Variants in PLEKHG3 observed in about 807,000 individuals in gnomAD.
The protein encoded by PLEKHG3 is pleckstrin homology domain-containing family G member 3.
PLEKHG3 carries 62 observed loss-of-function variants against 94.9 expected under a neutral mutation model. That is an observed-to-expected ratio of 0.65 (90% confidence interval 0.53 to 0.81). The LOEUF (loss-of-function observed/expected upper bound fraction) is 0.81. Ranked by LOEUF, PLEKHG3 falls within the 30% of genes least tolerant of loss-of-function variation. The pLI is 0.00. For missense variants in PLEKHG3, 1,461 were observed against 1,619.3 expected (o/e 0.90, Z 1.68); for synonymous variants, 614 against 654.0 (o/e 0.94, Z 0.93).
chr14:64,742,257 A>G lies in PLEKHG3; in HGVS notation c.2740A>G (p.Met914Val). 3.1e-6 allele frequency: 5 copies of G among 1,613,016 alleles called. No homozygotes were observed. Among genetic ancestry groups the G allele is most frequent in the Non-Finnish European group, 4.2e-6 (5 of 1,180,022 alleles). ...HPRIVQLSHV[M>V]DSHVSERVKN... ...CCGCATCGTGCAGCTCTCCCACGTA[A>G]TGGACAGCCACGTGAGCGAGCGCGT... Residue 914 changes from methionine to valine, a missense_variant, in exon 16 of 17, where the codon ATG (methionine) becomes GTG (valine). Physicochemically the swap from Met to Val is conservative, Grantham distance 21. Transcript: ENST00000247226.
Position 64,731,523 on chromosome 14 carries a change from G to A in PLEKHG3, c.1012G>A (p.Val338Ile). ...LITKKRGDHF[V>I]YKGNIPCSSL... ...CACCAAGAAGCGGGGCGATCACTTT[G>A]TCTACAAGGGCAACATCCCGGTAAC... The change falls in exon 8 of 17, where the codon GTC becomes ATC. Residue 338 changes from valine (V) to isoleucine (I), a missense_variant. Coordinates refer to ENST00000247226, the MANE Select transcript of PLEKHG3 (RefSeq NM_001308147.2). This position sits in a 1 kb window ranked among gnomAD's most constrained non-coding sequence, Gnocchi z 6.1. 1 of 1,614,052 alleles carries A rather than the reference G, an allele frequency of 6.2e-7. No individual in the cohort carries two copies. The highest frequency in any genetic ancestry group is 8.5e-7 in the Non-Finnish European group (1 of 1,180,002).
In PLEKHG3 at chr14:64,741,424, G is replaced by A. The variant is rs201668882; in HGVS notation, c.1907G>A (p.Ser636Asn). The A allele has an allele frequency of 2.1e-5, 34 of 1,612,682 alleles. No homozygotes were observed. The East Asian group carries it at 7.4e-4, about 35-fold the overall frequency. Reference sequence around the variant, plus strand: ...GGCTTTGGGAGCCCGCGGCTGGTCAGCCGGAGCAGCAGCGTGCTCAGCCTG... The same window carrying A: ...GGCTTTGGGAGCCCGCGGCTGGTCAACCGGAGCAGCAGCGTGCTCAGCCTG... ...SSGFGSPRLVSRSSSVLSLEG... is the reference protein window; with the variant it reads ...SSGFGSPRLVNRSSSVLSLEG... The change falls in exon 16 of 17, where the codon AGC becomes AAC. Residue 636 changes from serine (S) to asparagine (N), a missense_variant. By Grantham distance (46) the Ser-to-Asn change is conservative (BLOSUM62 1). This residue lies in a region of PLEKHG3 where 1,201 missense variants were observed against 1,295.5 expected (regional missense o/e 0.93). Coordinates refer to ENST00000247226, the MANE Select transcript of PLEKHG3 (RefSeq NM_001308147.2).
At position 64,727,508 on chromosome 14, in the gene PLEKHG3, C is replaced by CAGCCCCCCCCCCA; in HGVS notation, c.-39-85_-39-84insAGCCCCCCCCCCA. ...ACTAAATAATACCTTCCCACCCCAC[C>CAGCCCCCCCCCCA]TGCCCCCACCCCTGGCAACCGTCCC... On this transcript the variant is annotated intron_variant, in intron 1 of 16. Coordinates refer to ENST00000247226, the MANE Select transcript of PLEKHG3 (RefSeq NM_001308147.2). This position sits in a 1 kb window ranked among gnomAD's most constrained non-coding sequence, Gnocchi z 6.0. The CAGCCCCCCCCCCA allele has an allele frequency of 6.5e-6, 3 of 464,646 alleles. No homozygotes were observed. Among genetic ancestry groups the CAGCCCCCCCCCCA allele is most frequent in the East Asian group, 4.2e-5 (1 of 23,758 alleles). The allele number at this position is 464,646 out of a possible 1,614,324, so 28.8% of individuals were successfully genotyped here.
intron 1 of PLEKHG3, among the ~76,000 whole-genome samples, chr14:64,714,206 C>A (rs1254125506): frequency 6.6e-6 from 1 of 152,126 alleles, no homozygotes; most frequent in Non-Finnish European, 1.5e-5. Context: ...GGATGGGATA[C>A]TTCAAAGCAA....
rs2081774314 is a variant in PLEKHG3, at chr14:64,743,868, T to C, written c.*165T>C. ...AAGGATGCTCCCGTGTGCAGGGGTC[T>C]CCTGCCTGTGCCATCCACTGGGGCT... On this transcript the variant is annotated 3_prime_UTR_variant, in exon 17 of 17. Coordinates refer to ENST00000247226, the MANE Select transcript of PLEKHG3 (RefSeq NM_001308147.2). The surrounding 1 kb of genome is among the most constrained non-coding windows in gnomAD (Gnocchi z 7.2). The C allele has an allele frequency of 1.5e-6, 1 of 684,902 alleles. No individual in the cohort carries two copies. The highest frequency in any genetic ancestry group is 2.3e-6 in the Non-Finnish European group (1 of 434,088). The allele number at this position is 684,902 out of a possible 1,614,324, so 42.4% of individuals were successfully genotyped here. A position where few individuals can be genotyped will look rare whatever the true frequency, so the allele number is the denominator to read the frequency against.
chr14:64,728,650 G>T lies in PLEKHG3; in HGVS notation c.352-346G>T, dbSNP rs946173435. Among the ~76,000 whole-genome samples the T allele has an allele frequency of 2.4e-4, 36 of 152,118 alleles. No individual in the cohort carries two copies. Among genetic ancestry groups the T allele is most frequent in the African/African-American group, 8.7e-4 (36 of 41,416 alleles). On this transcript the variant is annotated intron_variant, in intron 2 of 16. Coordinates refer to ENST00000247226, the MANE Select transcript of PLEKHG3 (RefSeq NM_001308147.2). This position sits in a 1 kb window ranked among gnomAD's most constrained non-coding sequence, Gnocchi z 5.9. Reference sequence around the variant, plus strand: ...GTCCTGGCAGTCTTTGACATTGTTGGCCTGGAGATGCGGCCCAGCACCTTC... The same window carrying T: ...GTCCTGGCAGTCTTTGACATTGTTGTCCTGGAGATGCGGCCCAGCACCTTC...
At position 64,704,684 on chromosome 14, in the gene PLEKHG3, C is replaced by T. The variant is rs1418751481; in HGVS notation, c.-60C>T. 1 of 152,554 alleles carries T rather than the reference C, an allele frequency of 6.6e-6. No individual in the cohort carries two copies. Among genetic ancestry groups the T allele is most frequent in the East Asian group, 1.9e-4 (1 of 5,208 alleles). 9.5% of individuals were successfully genotyped at this position (152,554 alleles called of 1,614,324 possible). A position where few individuals can be genotyped will look rare whatever the true frequency, so the allele number is the denominator to read the frequency against. ...CCCGCACGCCGTGCGCGTCCCGAGC[C>T]CGCGGGGCAGCTACCGCTCGGTGAG... On this transcript the variant is annotated 5_prime_UTR_variant, in exon 1 of 17. Coordinates refer to ENST00000247226, the MANE Select transcript of PLEKHG3 (RefSeq NM_001308147.2). The surrounding 1 kb of genome is among the most constrained non-coding windows in gnomAD (Gnocchi z 5.6).
rs773093960 is a variant in PLEKHG3 at position 64,731,348 on chromosome 14, C to T, written c.850-13C>T. 3.6e-5 allele frequency: 58 copies of T among 1,610,642 alleles called. No homozygotes were observed. Among genetic ancestry groups the T allele is most frequent in the Non-Finnish European group, 4.8e-5 (56 of 1,178,222 alleles). ...GTGGCCTGACTCTAGGGATTGGGGC[C>T]CCTCTGCTGCAGGAGATTCAGTCAC... On this transcript the variant is annotated splice_polypyrimidine_tract_variant and intron_variant, in intron 7 of 16. Transcript: ENST00000247226. This position sits in a 1 kb window ranked among gnomAD's most constrained non-coding sequence, Gnocchi z 6.1.
In PLEKHG3 at chr14:64,717,177, C is replaced by T. The variant is rs1038444596; in HGVS notation, c.-39-10416C>T. ...TCCATAAGGTCTGCTTTGGAAAATC[C>T]ACTTTCCTAACTTCTCTGGGTCAGG... On this transcript the variant is annotated intron_variant, in intron 1 of 16. Transcript: ENST00000247226. The surrounding 1 kb of genome is among the most constrained non-coding windows in gnomAD (Gnocchi z 4.7). 6.6e-6 allele frequency among the ~76,000 whole-genome samples: 1 copy of T among 151,202 alleles called. No individual in the cohort carries two copies. Among genetic ancestry groups the T allele is most frequent in the Non-Finnish European group, 1.5e-5 (1 of 67,854 alleles).
rs35469561 is a variant in PLEKHG3 at position 64,721,985 on chromosome 14, G to GT, written c.-39-5602dup. Among the ~76,000 whole-genome samples the GT allele has an allele frequency of 0.39, 58,608 of 152,034 alleles. 12,803 individuals carry two copies. The highest frequency in any genetic ancestry group is 0.6 in the East Asian group (3,063 of 5,138). The stretch of plus-strand genomic sequence containing the variant: ...TGGAAGTTCACATTGCTCCCACACT[G>GT]TTTTTTCTGGAAAAGTTATAGCTTT... On this transcript the variant is annotated intron_variant, in intron 1 of 16. Coordinates refer to ENST00000247226, the MANE Select transcript of PLEKHG3 (RefSeq NM_001308147.2). The surrounding 1 kb of genome is among the most constrained non-coding windows in gnomAD (Gnocchi z 4.3).
chr14:64,729,345 C>T (rs1401684178), intron 3 of PLEKHG3, among the ~76,000 whole-genome samples: 1 of 152,218 alleles, frequency 6.6e-6, no homozygotes, highest in Non-Finnish European at 1.5e-5. Context: ...CCTCAAGGGG[C>T]TGCTGGGCCC....
intron 1 of PLEKHG3, among the ~76,000 whole-genome samples, chr14:64,712,109 G>T (rs2081073461): frequency 1.3e-5 from 2 of 152,138 alleles, no homozygotes; most frequent in Non-Finnish European, 2.9e-5. Flanking sequence ...AATTGTCTTG[G>T]CACCCTTGTT....
chr14:64,727,506 A>AC lies in PLEKHG3; in HGVS notation c.-39-85dup. On this transcript the variant is annotated intron_variant, in intron 1 of 16. Transcript: ENST00000247226. The surrounding 1 kb of genome is among the most constrained non-coding windows in gnomAD (Gnocchi z 6.0). ...GCACTAAATAATACCTTCCCACCCC[A>AC]CCTGCCCCCACCCCTGGCAACCGTC... is the stretch of plus-strand genomic sequence containing the variant. 14 of 297,200 alleles carry AC rather than the reference A, an allele frequency of 4.7e-5. No individual in the cohort carries two copies. The highest frequency in any genetic ancestry group is 5.8e-5 in the South Asian group (2 of 34,406). 18.4% of individuals were successfully genotyped at this position (297,200 alleles called of 1,614,324 possible). A position where few individuals can be genotyped will look rare whatever the true frequency, so the allele number is the denominator to read the frequency against.
chr14:64,734,417 T>C (rs1205373177), intron 12 of PLEKHG3, among the ~76,000 whole-genome samples: 1 of 152,240 alleles, frequency 6.6e-6, no homozygotes, highest in African/African-American at 2.4e-5. Flanking sequence ...AGTAGCTCTA[T>C]CCTAGTGTTA....
In PLEKHG3 at chr14:64,741,271, G is replaced by T; in HGVS notation, c.1754G>T (p.Gly585Val). 6.2e-7 allele frequency: 1 copy of T among 1,613,894 alleles called. No homozygotes were observed. The highest frequency in any genetic ancestry group is 8.5e-7 in the Non-Finnish European group (1 of 1,180,020). The change falls in exon 16 of 17, where the codon GGT (glycine) becomes GTT (valine). Residue 585 changes from glycine (G) to valine (V), a missense_variant. By Grantham distance (109) the Gly-to-Val change is moderately radical. Transcript: ENST00000247226. ...LSSEEEEEMG[G>V]AAQEPESLLP... ...AGCGAGGAGGAAGAAGAAATGGGAG[G>T]TGCCGCCCAGGAGCCTGAGAGCCTT...
Position 64,731,171 on chromosome 14 carries a change from T to G in PLEKHG3, c.849+2T>G. ...CATGAGCACGCGGTCCGGCTCCAGG[T>G]GCTCTGGGGCTGGGACGCTGGGGGA... On this transcript the variant is annotated splice_donor_variant, in intron 7 of 16. Coordinates refer to ENST00000247226, the MANE Select transcript of PLEKHG3 (RefSeq NM_001308147.2). LOFTEE classifies it high-confidence loss of function. This position sits in a 1 kb window ranked among gnomAD's most constrained non-coding sequence, Gnocchi z 6.1. 6.4e-7 allele frequency: 1 copy of G among 1,567,936 alleles called. No homozygotes were observed. Among genetic ancestry groups the G allele is most frequent in the Non-Finnish European group, 8.7e-7 (1 of 1,145,530 alleles).
chr14:64,749,111 C>A lies in PLEKHG3; in HGVS notation c.*5408C>A. The A allele has an allele frequency of 1.8e-6, 1 of 570,052 alleles. No individual in the cohort carries two copies. The highest frequency in any genetic ancestry group is 2.9e-6 in the Non-Finnish European group (1 of 341,652). The allele number at this position is 570,052 out of a possible 1,614,324, so 35.3% of individuals were successfully genotyped here. ...GTCCCTGGAGCGGAGCCAGCGCGGG[C>A]GAGGGCATGGAGGGGGCGTCGGCCC... On this transcript the variant is annotated 3_prime_UTR_variant, in exon 17 of 17. Transcript: ENST00000247226. The surrounding 1 kb of genome is among the most constrained non-coding windows in gnomAD (Gnocchi z 4.7).
rs750185022 is a variant in PLEKHG3 at position 64,738,189 on chromosome 14, C to T, written c.1405-553C>T. 19 of 1,289,988 alleles carry T rather than the reference C, an allele frequency of 1.5e-5. No homozygotes were observed. The highest frequency in any genetic ancestry group is 6.1e-5 in the African/African-American group (4 of 65,904). The allele number at this position is 1,289,988 out of a possible 1,614,324, so 79.9% of individuals were successfully genotyped here. On this transcript the variant is annotated intron_variant, in intron 14 of 16. Coordinates refer to ENST00000247226, the MANE Select transcript of PLEKHG3 (RefSeq NM_001308147.2). The surrounding 1 kb of genome is among the most constrained non-coding windows in gnomAD (Gnocchi z 4.8). ...GGCCGCCCTCCACTGCTGGCACTAT[C>T]GGGCCAACGCTTTACTTTTCTCCCG...
At position 64,723,162 on chromosome 14, in the gene PLEKHG3, G is replaced by T. The variant is rs1011302411; in HGVS notation, c.-39-4431G>T. 1.1e-5 allele frequency among the ~76,000 whole-genome samples: 1 copy of T among 88,802 alleles called. No individual in the cohort carries two copies. Among genetic ancestry groups the T allele is most frequent in the Non-Finnish European group, 2.5e-5 (1 of 39,698 alleles). The allele number at this position is 88,802 out of a possible 152,430, so 58.3% of individuals were successfully genotyped here. A position where few individuals can be genotyped will look rare whatever the true frequency, so the allele number is the denominator to read the frequency against. ...GAGGGTAGGTGTGGGTGGAGGAAGG[G>T]TGTGGTGTGGTTTAGGCTTAAATTT... On this transcript the variant is annotated intron_variant, in intron 1 of 16. Coordinates refer to ENST00000247226, the MANE Select transcript of PLEKHG3 (RefSeq NM_001308147.2). This position sits in a 1 kb window ranked among gnomAD's most constrained non-coding sequence, Gnocchi z 4.5.
Sources: allele counts gnomAD v4.1 joint callset (sites outside exome capture counted in the v4.1 genomes callset), GRCh38; gene constraint gnomAD v4.1.1; regional missense constraint gnomAD v4.1.1; non-coding constraint Gnocchi (gnomAD v3.1); transcripts MANE v1.5; gene names NCBI Gene and HGNC (gene_info 2026-07-23, HGNC 2026-07-21).